TRIM31: variants seen among roughly 807,000 people sequenced by gnomAD.
TRIM31 encodes the protein E3 ubiquitin-protein ligase TRIM31.
Under a neutral mutation model 40.6 loss-of-function variants are expected in TRIM31, and 31 were observed. That is an observed-to-expected ratio of 0.76 (90% CI 0.57 to 1.03). TRIM31 has a LOEUF of 1.03. Ranked by LOEUF, TRIM31 falls within the 50% of genes least tolerant of loss-of-function variation. The pLI, the probability that TRIM31 is intolerant of heterozygous loss-of-function variation, is 0.00. For missense variants in TRIM31, 455 were observed against 497.5 expected, an observed-to-expected ratio of 0.91 and a Z score of 0.81; for synonymous variants, 164 against 193.9, an observed-to-expected ratio of 0.85 and a Z score of 1.28.
chr6:30,108,867 G>A (rs925534704), intron 5 of TRIM31, 159 bp downstream of exon 5: 11 of 758,410 alleles, frequency 1.5e-5, no homozygotes, highest in Non-Finnish European at 2.3e-5. Flanking sequence ...TAATATGGTT[G>A]GCATAGGCAT....
At chr6:30,106,533 C>G (rs78026509) in intron 6 of TRIM31, among the ~76,000 whole-genome samples, 12,956 of 151,826 alleles carry the variant, frequency 0.085, 632 homozygotes, top group Middle Eastern at 0.15. Flanking sequence ...ATTTCCTAGG[C>G]TTTAATAGGG....
chr6:30,103,366 CA>C lies in TRIM31; in HGVS notation c.*169del. Reference sequence around the variant, plus strand: ...TTCCTTCTCCAACTCTCTTCACCACCACCCCCGCCCCCATCTCCACTCTCAG... The same window carrying C: ...TTCCTTCTCCAACTCTCTTCACCACCCCCCCGCCCCCATCTCCACTCTCAG... On this transcript the variant is annotated 3_prime_UTR_variant, in exon 9 of 9. Transcript: ENST00000376734. 1 of 911,820 alleles carries C rather than the reference CA, an allele frequency of 1.1e-6. No homozygotes were observed. The highest frequency in any genetic ancestry group is 1.6e-5 in the South Asian group (1 of 62,260). The allele number at this position is 911,820 out of a possible 1,614,324, so 56.5% of individuals were successfully genotyped here.
At chr6:30,106,532 G>A (rs539807246) in intron 6 of TRIM31, among the ~76,000 whole-genome samples, 6 of 152,190 alleles carry the variant, frequency 3.9e-5, no homozygotes, top group Admixed American at 3.9e-4. Flanking sequence ...TATTTCCTAG[G>A]CTTTAATAGG....
chr6:30,111,502 C>A, intron 3 of TRIM31, 146 bp downstream of exon 3: 1 of 740,896 alleles, frequency 1.3e-6, no homozygotes, highest in East Asian at 2.6e-5. Flanking sequence ...GGAGGTGATG[C>A]CGCCTGGCCG....
chr6:30,108,268 T>A, intron 5 of TRIM31, 100 bp from the exon 6 acceptor site: 1 of 838,738 alleles, frequency 1.2e-6, no homozygotes, highest in Non-Finnish European at 2.0e-6. Context: ...GATGAAGACC[T>A]GGGGGTAGAA....
rs1194702261 is a variant in TRIM31, at chr6:30,105,161, C to T, written c.958+7G>A. ...GCAGAAGCAACCAACCATCATTTCTCACTTACAGCTCTTCATGTCATTTTT... is the reference window on the plus strand; with the variant it reads ...GCAGAAGCAACCAACCATCATTTCTTACTTACAGCTCTTCATGTCATTTTT... On this transcript the variant is annotated splice_region_variant and intron_variant, in intron 7 of 8. Transcript: ENST00000376734. The T allele has an allele frequency of 6.2e-7, 1 of 1,610,604 alleles. No individual in the cohort carries two copies. The highest frequency in any genetic ancestry group is 8.5e-7 in the Non-Finnish European group (1 of 1,179,010).
chr6:30,112,344 C>G, intron 2 of TRIM31, 45 bp downstream of exon 2: 2 of 1,570,558 alleles, frequency 1.3e-6, no homozygotes, highest in Non-Finnish European at 1.7e-6. Context: ...CCTCACTGAA[C>G]TCCTGGGCTG....
chr6:30,112,827 C>T lies in TRIM31; in HGVS notation c.-22G>A, dbSNP rs1293320099. 1.3e-6 allele frequency: 2 copies of T among 1,577,986 alleles called. No individual in the cohort carries two copies. The highest frequency in any genetic ancestry group is 1.4e-5 in the African/African-American group (1 of 73,840). On this transcript the variant is annotated 5_prime_UTR_variant, in exon 2 of 9. Coordinates refer to ENST00000376734, the MANE Select transcript of TRIM31 (RefSeq NM_007028.5). ...CCATGACAGAACAACAGGGCTGTTT[C>T]AAGACTGTAGGAAGCTGTGCCAAGT...
At chr6:30,110,334 G>A in intron 4 of TRIM31, 114 bp downstream of exon 4, 1 of 945,798 alleles carries the variant, frequency 1.1e-6, no homozygotes, top group South Asian at 1.5e-5. Context: ...ACAGCACTGG[G>A]CTAGAGGTAG....
At chr6:30,106,213 C>T (rs759077241) in intron 6 of TRIM31, among the ~76,000 whole-genome samples, 95 of 152,224 alleles carry the variant, frequency 6.2e-4, no homozygotes, top group Non-Finnish European at 1.2e-3. Context: ...CAAGACAGCA[C>T]AAGACAGCCT....
At chr6:30,106,173 CA>C (rs985112890) in intron 6 of TRIM31, among the ~76,000 whole-genome samples, 16 of 152,194 alleles carry the variant, frequency 1.1e-4, no homozygotes, top group Non-Finnish European at 1.9e-4. Flanking sequence ...CTTCTGGCCC[CA>C]GCACCCTTCC....
chr6:30,112,620 C>T lies in TRIM31; in HGVS notation c.186G>A (p.Lys62=). ...ACAGCGAGTTGAACCTGATTGCGTT[C>T]TTCCTTACGGAAGTTTTGCAGAGGG... The part of the protein sequence containing the change: ...KCPLCKTSVR[K]NAIRFNSLLR... Residue 62 remains lysine, a synonymous_variant, in exon 2 of 9, where the codon AAG becomes AAA. Coordinates refer to ENST00000376734, the MANE Select transcript of TRIM31 (RefSeq NM_007028.5). 1 of 1,613,106 alleles carries T rather than the reference C, an allele frequency of 6.2e-7. No homozygotes were observed. The highest frequency in any genetic ancestry group is 8.5e-7 in the Non-Finnish European group (1 of 1,180,040).
chr6:30,107,029 G>A (rs1330829612), intron 6 of TRIM31, among the ~76,000 whole-genome samples: 28 of 152,266 alleles, frequency 1.8e-4, no homozygotes, highest in Non-Finnish European at 4.4e-5. Context: ...GAAACCAGAA[G>A]GCGGAGGTTG....
chr6:30,111,030 C>CTTTTTTT (rs9278578), intron 3 of TRIM31, among the ~76,000 whole-genome samples: 17 of 114,290 alleles, frequency 1.5e-4, no homozygotes, highest in African/African-American at 2.6e-4. Flanking sequence ...TTCCTTCTGT[C>CTTTTTTT]TTTTTTTTTT....
chr6:30,106,769 A>G (rs1182696288), intron 6 of TRIM31, among the ~76,000 whole-genome samples: 1 of 152,114 alleles, frequency 6.6e-6, no homozygotes, highest in Non-Finnish European at 1.5e-5. Context: ...GAAATTCCAA[A>G]CTAGAACCAA....
intron 5 of TRIM31, 60 bp from the exon 6 acceptor site, chr6:30,108,228 G>T (rs769040096): frequency 8.2e-7 from 1 of 1,224,244 alleles, no homozygotes; most frequent in South Asian, 1.2e-5. Context: ...GGAGAAGGAG[G>T]ATCTGAGATA....
At chr6:30,110,782 C>A in intron 3 of TRIM31, 104 bp from the exon 4 acceptor site, 1 of 1,124,806 alleles carries the variant, frequency 8.9e-7, no homozygotes, top group South Asian at 1.5e-5. Flanking sequence ...GAATTCCCAA[C>A]CAGAGCAATG....
chr6:30,110,172 C>T (rs2127390337), intron 4 of TRIM31, among the ~76,000 whole-genome samples: 1 of 152,102 alleles, frequency 6.6e-6, no homozygotes, highest in South Asian at 2.1e-4. Context: ...TCACTTTTAT[C>T]ATTTTAATGT....
chr6:30,103,291 G>C lies in TRIM31; in HGVS notation c.*245C>G, dbSNP rs905087326. On this transcript the variant is annotated 3_prime_UTR_variant, in exon 9 of 9. Coordinates refer to ENST00000376734, the MANE Select transcript of TRIM31 (RefSeq NM_007028.5). Reference sequence around the variant, plus strand: ...AGTGATAAGAAGTCAAGCGTGGGGCGGGTGGCTGGAGATTGTCTCTTCCCC... The same window carrying C: ...AGTGATAAGAAGTCAAGCGTGGGGCCGGTGGCTGGAGATTGTCTCTTCCCC... The C allele has an allele frequency of 1.6e-6, 1 of 622,210 alleles. No individual in the cohort carries two copies. The highest frequency in any genetic ancestry group is 2.8e-6 in the Non-Finnish European group (1 of 358,736). 38.5% of individuals were successfully genotyped at this position (622,210 alleles called of 1,614,324 possible). A position where few individuals can be genotyped will look rare whatever the true frequency, so the allele number is the denominator to read the frequency against.
Sources: allele counts gnomAD v4.1 joint callset (sites outside exome capture counted in the v4.1 genomes callset), GRCh38; gene constraint gnomAD v4.1.1; transcripts MANE v1.5; gene names NCBI Gene and HGNC (gene_info 2026-07-23, HGNC 2026-07-21).